The following TJP1 variants were observed in gnomAD, a reference collection of about 807,000 sequenced individuals.
The protein encoded by TJP1 is tight junction protein ZO-1.
A neutral mutation model predicts 194.2 loss-of-function variants in TJP1; 43 were observed. The ratio of observed to expected loss-of-function variants is 0.22; its 90% CI spans 0.17 to 0.29. TJP1 has a LOEUF of 0.29. Among genes scored for constraint, TJP1 ranks in the 10% least tolerant of loss-of-function variants. TJP1 has a pLI of 1.00. For synonymous variants in TJP1, 801 were observed against 779.0 expected (o/e 1.03, Z -0.47); for missense variants, 1,971 against 2,185.7 (o/e 0.90, Z 1.96).
At chr15:29,932,941 C>A (rs1403778876) in intron 2 of TJP1, among the ~76,000 whole-genome samples, 1 of 152,084 alleles carries the variant, frequency 6.6e-6, no homozygotes, top group African/African-American at 2.4e-5. Flanking sequence ...TACATTTGAA[C>A]TGTTTTTATG....
At chr15:29,800,080 A>G (rs1235344350) in intron 2 of TJP1, among the ~76,000 whole-genome samples, 7 of 152,164 alleles carry the variant, frequency 4.6e-5, no homozygotes, top group Non-Finnish European at 1.0e-4. Flanking sequence ...TCACTTCCCC[A>G]TTTCTAAAGC....
At chr15:29,924,648 A>G (rs2054470413) in intron 2 of TJP1, among the ~76,000 whole-genome samples, 1 of 152,114 alleles carries the variant, frequency 6.6e-6, no homozygotes, top group African/African-American at 2.4e-5. Flanking sequence ...TTTCCTTGAG[A>G]GCCACTGTCT....
Position 29,704,202 on chromosome 15 carries a change from G to T in TJP1, c.5172C>A (p.Asp1724Glu), listed in dbSNP as rs755047396. The change falls in exon 27 of 28, where the codon GAC becomes GAA. Residue 1724 changes from aspartate (D) to glutamate (E), a missense_variant. Physicochemically the swap from Asp to Glu is conservative, Grantham distance 45. Coordinates refer to ENST00000614355, the MANE Select transcript of TJP1 (RefSeq NM_001330239.4). ...ATGATTTTAGAGCAAAAGACCAACCGTCAGGAGTCATGGACGCACAGTGTG... is the reference window on the plus strand; with the variant it reads ...ATGATTTTAGAGCAAAAGACCAACCTTCAGGAGTCATGGACGCACAGTGTG... ...RLPHCASMTP[D>E]GWSFALKSSD... 4 of 1,580,540 alleles carry T rather than the reference G, an allele frequency of 2.5e-6. No homozygotes were observed. In the South Asian group the frequency reaches 3.5e-5, roughly 14 times the overall value.
At chr15:29,781,844 AC>A (rs2047385764) in intron 2 of TJP1, among the ~76,000 whole-genome samples, 1 of 152,250 alleles carries the variant, frequency 6.6e-6, no homozygotes, top group Non-Finnish European at 1.5e-5. Context: ...GCTGTATATG[AC>A]AAACCTACAG....
rs954015062 is a variant in TJP1, at chr15:29,820,623, A to G, written c.27+1379T>C. The G allele has an allele frequency of 2.5e-5, 18 of 714,712 alleles. 1 individual carries two copies. The Middle Eastern group carries it at 6.8e-4, about 27-fold the overall frequency. 44.3% of individuals were successfully genotyped at this position (714,712 alleles called of 1,614,324 possible). ...TTGCATATTAAGTACCAGAGATCACACTTCAGGAACAAAGTGACATTCTGT... is the reference window on the plus strand; with the variant it reads ...TTGCATATTAAGTACCAGAGATCACGCTTCAGGAACAAAGTGACATTCTGT... On this transcript the variant is annotated intron_variant, in intron 1 of 27. Transcript: ENST00000614355.
At chr15:29,800,431 TA>T in intron 2 of TJP1, 1 of 541,596 alleles carries the variant, frequency 1.8e-6, no homozygotes, top group Admixed American at 3.6e-5. Context: ...AAGTCAGGAA[TA>T]AAAACAGCAA....
intron 2 of TJP1, among the ~76,000 whole-genome samples, chr15:29,862,935 A>C (rs539999545): frequency 1.4e-5 from 2 of 146,748 alleles, no homozygotes; most frequent in East Asian, 2.3e-4. Context: ...GGCGTGAGCC[A>C]CCGTGCCCAG....
chr15:29,935,312 T>C (rs1020704008), intron 2 of TJP1, among the ~76,000 whole-genome samples: 4 of 152,220 alleles, frequency 2.6e-5, no homozygotes, highest in African/African-American at 9.7e-5. Context: ...CTTCTAAACT[T>C]TGTATTCACC....
intron 1 of TJP1, among the ~76,000 whole-genome samples, chr15:29,811,700 C>T (rs2049524657): frequency 6.6e-6 from 1 of 152,022 alleles, no homozygotes; most frequent in Admixed American, 6.6e-5. Context: ...ACCCAAGGAA[C>T]CTTCCTCTGA....
At chr15:29,702,113 C>T (rs897263323) in intron 27 of TJP1, among the ~76,000 whole-genome samples, 44 of 150,518 alleles carry the variant, frequency 2.9e-4, no homozygotes, top group African/African-American at 1.0e-3. Flanking sequence ...TTTCCAGTTT[C>T]GAAAGTCTGG....
At chr15:29,968,275 G>C in intron 1 of TJP1, 2 of 985,044 alleles carry the variant, frequency 2.0e-6, no homozygotes, top group Non-Finnish European at 2.4e-6. Flanking sequence ...TGATACCAAT[G>C]AATTCTTCTG....
Position 29,700,321 on chromosome 15 carries a change from A to G in TJP1, c.*1274T>C, listed in dbSNP as rs1410714920. ...GTCTATTAGTAAAAAAATACACTTT[A>G]GGGCACAGCATTGTATCACAAATTA... On this transcript the variant is annotated 3_prime_UTR_variant, in exon 28 of 28. Transcript: ENST00000614355. The G allele has an allele frequency of 2.5e-6, 1 of 398,854 alleles. No individual in the cohort carries two copies. Among genetic ancestry groups the G allele is most frequent in the Non-Finnish European group, 4.4e-6 (1 of 226,040 alleles). The allele number at this position is 398,854 out of a possible 1,614,324, so 24.7% of individuals were successfully genotyped here.
At chr15:29,959,420 T>C (rs1175106770) in intron 1 of TJP1, among the ~76,000 whole-genome samples, 1 of 152,208 alleles carries the variant, frequency 6.6e-6, no homozygotes, top group Non-Finnish European at 1.5e-5. Context: ...TTTAATTTGG[T>C]AATTCTCTGG....
At chr15:29,856,561 A>C (rs1204903728) in intron 2 of TJP1, among the ~76,000 whole-genome samples, 1 of 152,148 alleles carries the variant, frequency 6.6e-6, no homozygotes, top group East Asian at 1.9e-4. Flanking sequence ...TAAACTTCAG[A>C]TGGAGTAAAG....
At chr15:29,805,878 T>C (rs2049081364) in intron 1 of TJP1, among the ~76,000 whole-genome samples, 2 of 152,148 alleles carry the variant, frequency 1.3e-5, no homozygotes. Flanking sequence ...TGGAGAAAGA[T>C]GTTTCAGAAG....
intron 25 of TJP1, among the ~76,000 whole-genome samples, chr15:29,708,024 C>A (rs1299354568): frequency 3.3e-5 from 5 of 151,776 alleles, no homozygotes; most frequent in Non-Finnish European, 4.4e-5. Flanking sequence ...ATGGTGAAAA[C>A]CTCTACTAAA....
At chr15:29,918,556 GAAACCCCATCA>G (rs1463529997) in intron 2 of TJP1, among the ~76,000 whole-genome samples, 27 of 152,128 alleles carry the variant, frequency 1.8e-4, no homozygotes, top group Non-Finnish European at 3.8e-4. Context: ...GCAATGTGGC[GAAACCCCATCA>G]TTACAAAAAA....
chr15:29,943,062 T>C (rs1030339570), intron 2 of TJP1, among the ~76,000 whole-genome samples: 1 of 152,034 alleles, frequency 6.6e-6, no homozygotes, highest in Non-Finnish European at 1.5e-5. Context: ...AAAGAATAAA[T>C]AAAATAACTG....
At chr15:29,712,415 G>A (rs2042297007) in intron 23 of TJP1, among the ~76,000 whole-genome samples, 1 of 152,164 alleles carries the variant, frequency 6.6e-6, no homozygotes. Context: ...AGAAATCTAG[G>A]TGATGGCAAA....
Sources: gnomAD v4.1 joint callset for allele counts (sites outside exome capture counted in the v4.1 genomes callset) on GRCh38, gnomAD v4.1.1 for gene constraint, MANE v1.5 for transcripts, NCBI Gene and HGNC (gene_info 2026-07-23, HGNC 2026-07-21) for gene names.